PLCG2: variants seen among roughly 807,000 people sequenced by gnomAD.
PLCG2 encodes the protein 1-phosphatidylinositol 4,5-bisphosphate phosphodiesterase gamma-2.
PLCG2 carries 69 observed loss-of-function variants against 175.6 expected under a neutral mutation model. The ratio of observed to expected loss-of-function variants is 0.39; its 90% CI spans 0.32 to 0.48. PLCG2 has a LOEUF of 0.48. PLCG2 is among the 20% of genes least tolerant of loss of function. The pLI is 0.91. For synonymous variants in PLCG2, 827 were observed against 624.0 expected (o/e 1.33, Z -4.85); for missense variants, 1,798 against 1,650.9 (o/e 1.09, Z -1.54).
In PLCG2 at chr16:81,928,549, T is replaced by G. The variant is rs1400436719; in HGVS notation, c.2515-9T>G. ...CAACTAACGTGAGTTATGTCTTGTT[T>G]CTTCACAGATTATTGAAGACAATCC... On this transcript the variant is annotated splice_polypyrimidine_tract_variant and intron_variant, in intron 23 of 32. Coordinates refer to ENST00000564138, the MANE Select transcript of PLCG2 (RefSeq NM_002661.5). 2 of 1,583,514 alleles carry G rather than the reference T, an allele frequency of 1.3e-6. No homozygotes were observed. Among genetic ancestry groups the G allele is most frequent in the Non-Finnish European group, 1.7e-6 (2 of 1,152,030 alleles).
At chr16:81,859,224 A>C in intron 5 of PLCG2, 61 bp downstream of exon 5, 1 of 1,106,224 alleles carries the variant, frequency 9.0e-7, no homozygotes, top group Non-Finnish European at 1.4e-6. Flanking sequence ...CTATCTTTAA[A>C]CCTTCCAAGG....
intron 9 of PLCG2, among the ~76,000 whole-genome samples, chr16:81,887,714 C>G (rs1908440841): frequency 6.6e-6 from 1 of 152,240 alleles, no homozygotes; most frequent in East Asian, 1.9e-4. Context: ...ATATTTGCTT[C>G]TATTAGTCAT....
intron 2 of PLCG2, among the ~76,000 whole-genome samples, chr16:81,830,747 C>A (rs561465541): frequency 6.6e-6 from 1 of 151,774 alleles, no homozygotes; most frequent in South Asian, 2.1e-4. Flanking sequence ...AGGGCTGCAG[C>A]TGACTCCAGA....
At chr16:81,786,418 A>G (rs186860350) in intron 2 of PLCG2, among the ~76,000 whole-genome samples, 1 of 152,342 alleles carries the variant, frequency 6.6e-6, no homozygotes, top group Non-Finnish European at 1.5e-5. Context: ...GTCAGCCAAC[A>G]TGGAAATGGC....
chr16:81,880,596 T>G (rs2052701105), intron 7 of PLCG2, among the ~76,000 whole-genome samples: 1 of 152,194 alleles, frequency 6.6e-6, no homozygotes, highest in African/African-American at 2.4e-5. Flanking sequence ...GAGATGTACG[T>G]AAATGTTATA....
intron 31 of PLCG2, among the ~76,000 whole-genome samples, chr16:81,954,313 C>T (rs949752991): frequency 4.6e-5 from 7 of 152,200 alleles, no homozygotes; most frequent in Admixed American, 1.3e-4. Flanking sequence ...TGAGGCACTG[C>T]GCCCGGCGAC....
intron 2 of PLCG2, among the ~76,000 whole-genome samples, chr16:81,815,155 T>C (rs1444193697): frequency 2.0e-5 from 3 of 152,186 alleles, no homozygotes; most frequent in Admixed American, 6.5e-5. Context: ...ACCTGTGATA[T>C]GACGCTCTGG....
In PLCG2 at chr16:81,758,570, G is replaced by A. The variant is rs141473172; in HGVS notation, c.-48+2604G>A. 6.6e-5 allele frequency among the ~76,000 whole-genome samples: 10 copies of A among 152,206 alleles called. No homozygotes were observed. The East Asian group carries it at 1.7e-3, about 26-fold the overall frequency. ...TCTGCGTTTGACCTTTTGAGGAACT[G>A]CTAAACTATTTTCCACAGCAGCTGC... On this transcript the variant is annotated intron_variant, in intron 2 of 5. Transcript: ENST00000565054.
chr16:81,850,535 A>C (rs1375576564), intron 2 of PLCG2, among the ~76,000 whole-genome samples: 1 of 152,288 alleles, frequency 6.6e-6, no homozygotes, highest in East Asian at 1.9e-4. Context: ...AGAAATTGAC[A>C]AGAGGTCCAA....
At chr16:81,878,544 G>T (rs1907926757) in intron 7 of PLCG2, among the ~76,000 whole-genome samples, 1 of 152,030 alleles carries the variant, frequency 6.6e-6, no homozygotes, top group African/African-American at 2.4e-5. Flanking sequence ...CCATTTATCT[G>T]CCCCCTTTAA....
chr16:81,940,109 TG>T, intron 30 of PLCG2, 50 bp downstream of exon 30: 1 of 1,472,550 alleles, frequency 6.8e-7, no homozygotes, highest in East Asian at 2.3e-5. Context: ...CGTTGTACTT[TG>T]GTTTGGCTGC....
At chr16:81,911,036 C>T (rs1185090431) in intron 18 of PLCG2, among the ~76,000 whole-genome samples, 5 of 152,112 alleles carry the variant, frequency 3.3e-5, no homozygotes, top group Non-Finnish European at 7.4e-5. Flanking sequence ...TTCAGAGCTC[C>T]TTCCTGTTTG....
At chr16:81,790,786 G>A (rs1911196865) in intron 2 of PLCG2, among the ~76,000 whole-genome samples, 1 of 152,096 alleles carries the variant, frequency 6.6e-6, no homozygotes, top group African/African-American at 2.4e-5. Context: ...CCCTACTCCA[G>A]GGTAGGGGGC....
rs1304960313 is a variant in PLCG2, at chr16:81,771,696, A to C, written c.-47-14247A>C. ...CCCCCCCCAACCCCCCACCCAAAAA[A>C]AACAACAACAAAAAAACTAAGTCCT... On this transcript the variant is annotated intron_variant, in intron 2 of 5. Transcript: ENST00000565054. Among the ~76,000 whole-genome samples the C allele has an allele frequency of 2.6e-5, 4 of 152,020 alleles. No individual in the cohort carries two copies. In the East Asian group the frequency reaches 5.8e-4, roughly 22 times the overall value.
intron 32 of PLCG2, among the ~76,000 whole-genome samples, chr16:81,957,717 A>C (rs775034790): frequency 2.0e-5 from 3 of 152,074 alleles, no homozygotes; most frequent in Non-Finnish European, 4.4e-5. Context: ...CATTATTCTC[A>C]TTGAATCTTC....
At chr16:81,782,539 A>G (rs1039991986) in intron 1 of PLCG2, among the ~76,000 whole-genome samples, 2 of 152,254 alleles carry the variant, frequency 1.3e-5, no homozygotes, top group African/African-American at 2.4e-5. Context: ...GGGTGCTGGC[A>G]GGATTTGAAT....
At chr16:81,936,989 C>G (rs781591985) in intron 27 of PLCG2, among the ~76,000 whole-genome samples, 6 of 152,200 alleles carry the variant, frequency 3.9e-5, no homozygotes, top group Non-Finnish European at 8.8e-5. Context: ...ACAGCACTGC[C>G]TTCTGTACCC....
At chr16:81,949,755 T>C (rs1043294701) in intron 31 of PLCG2, among the ~76,000 whole-genome samples, 4 of 152,118 alleles carry the variant, frequency 2.6e-5, no homozygotes, top group African/African-American at 4.8e-5. Flanking sequence ...ATAAGGATTT[T>C]TGAATTGGAA....
chr16:81,845,566 C>G (rs1042774447), intron 2 of PLCG2, among the ~76,000 whole-genome samples: 2 of 152,216 alleles, frequency 1.3e-5, no homozygotes, highest in African/African-American at 4.8e-5. Flanking sequence ...CGACACTGCT[C>G]CTCATGACTT....
Sources: gnomAD v4.1 joint callset for allele counts (sites outside exome capture counted in the v4.1 genomes callset) on GRCh38, gnomAD v4.1.1 for gene constraint, MANE v1.5 for transcripts, NCBI Gene and HGNC (gene_info 2026-07-23, HGNC 2026-07-21) for gene names.